GALNTL6: variants seen among roughly 807,000 people sequenced by gnomAD.
The protein encoded by GALNTL6 is polypeptide N-acetylgalactosaminyltransferase like 6.
GALNTL6 carries 46 observed loss-of-function variants against 73.7 expected under a neutral mutation model. The observed-to-expected ratio is 0.62, with a 90% CI of 0.49 to 0.80. The LOEUF (loss-of-function observed/expected upper bound fraction) is 0.80. GALNTL6 is among the 30% of genes least tolerant of loss of function. GALNTL6 has a pLI of 0.00. For synonymous variants in GALNTL6, 259 were observed against 263.7 expected, an observed-to-expected ratio of 0.98 and a Z score of 0.17; for missense variants, 604 against 755.0, an observed-to-expected ratio of 0.80 and a Z score of 2.34.
intron 5 of GALNTL6, among the ~76,000 whole-genome samples, chr4:172,801,419 A>G (rs544740937): frequency 1.3e-5 from 2 of 152,214 alleles, no homozygotes; most frequent in African/African-American, 4.8e-5. Flanking sequence ...CCTCTTACAC[A>G]TTGTCTTTTT....
At chr4:172,355,076 A>G (rs544090148) in intron 5 of GALNTL6, among the ~76,000 whole-genome samples, 1 of 152,194 alleles carries the variant, frequency 6.6e-6, no homozygotes, top group East Asian at 1.9e-4. Context: ...TTGAGATACT[A>G]TAGAAATATA....
chr4:172,329,107 T>C (rs1000732173), intron 4 of GALNTL6, among the ~76,000 whole-genome samples: 8 of 152,136 alleles, frequency 5.3e-5, no homozygotes, highest in African/African-American at 1.9e-4. Context: ...GAGAACAGTC[T>C]GTCCATTTTT....
In GALNTL6 at chr4:172,310,359, C is replaced by T. The variant is rs890758410; in HGVS notation, c.248-1255C>T. ...AATCTTGGCTTATTGCAACCTCTGC[C>T]TTCTGGGTTCAAGCGATTTTCATTC... is the stretch of plus-strand genomic sequence containing the variant. On this transcript the variant is annotated intron_variant, in intron 3 of 12. Transcript: ENST00000506823. 2.0e-5 allele frequency among the ~76,000 whole-genome samples: 3 copies of T among 152,038 alleles called. No individual in the cohort carries two copies. The East Asian group carries it at 5.8e-4, about 29-fold the overall frequency.
intron 7 of GALNTL6, among the ~76,000 whole-genome samples, chr4:172,819,612 G>T (rs185199917): frequency 6.6e-6 from 1 of 152,298 alleles, no homozygotes; most frequent in Admixed American, 6.5e-5. Context: ...GAAATTAACA[G>T]TTGTTAAATG....
At chr4:172,694,154 T>C (rs112201107) in intron 5 of GALNTL6, among the ~76,000 whole-genome samples, 110 of 152,116 alleles carry the variant, frequency 7.2e-4, no homozygotes, top group African/African-American at 2.6e-3. Context: ...TTCTTTAAGT[T>C]CTGGGATACA....
At position 171,813,533 on chromosome 4, in the gene GALNTL6, A is replaced by G. The variant is rs1734436217; in HGVS notation, c.-627A>G. Reference sequence around the variant, plus strand: ...GCCCTCGTCCGCTTCCAAGCCCAGCACAGACTTCGGTTTCTCCGCCTCCAT... The same window carrying G: ...GCCCTCGTCCGCTTCCAAGCCCAGCGCAGACTTCGGTTTCTCCGCCTCCAT... On this transcript the variant is annotated 5_prime_UTR_variant, in exon 1 of 13. Transcript: ENST00000506823. This position sits in a 1 kb window ranked among gnomAD's most constrained non-coding sequence, Gnocchi z 5.2. The G allele has an allele frequency of 6.6e-6, 1 of 152,488 alleles. No individual in the cohort carries two copies. Among genetic ancestry groups the G allele is most frequent in the Admixed American group, 6.5e-5 (1 of 15,296 alleles). The allele number at this position is 152,488 out of a possible 1,614,324, so 9.4% of individuals were successfully genotyped here.
chr4:172,148,283 G>A (rs572065650), intron 2 of GALNTL6, among the ~76,000 whole-genome samples: 1 of 152,176 alleles, frequency 6.6e-6, no homozygotes, highest in East Asian at 1.9e-4. Context: ...ATCTCTACTT[G>A]ATTGTTTTCA....
intron 5 of GALNTL6, among the ~76,000 whole-genome samples, chr4:172,792,233 A>G (rs1740033417): frequency 6.6e-6 from 1 of 152,222 alleles, no homozygotes. Context: ...TTTATGGCCA[A>G]TAGTATGTAA....
intron 2 of GALNTL6, among the ~76,000 whole-genome samples, chr4:171,956,661 T>C (rs1399309616): frequency 6.6e-6 from 1 of 152,222 alleles, no homozygotes; most frequent in Admixed American, 6.6e-5. Flanking sequence ...ATTTTTAAAA[T>C]TAAATTCTTT....
At position 172,177,721 on chromosome 4, in the gene GALNTL6, G is replaced by GTGTGTATATATATATACACA. The variant is rs946609947; in HGVS notation, c.139-51921_139-51902dup. Among the ~76,000 whole-genome samples the GTGTGTATATATATATACACA allele has an allele frequency of 7.1e-5, 7 of 99,182 alleles. No homozygotes were observed. The East Asian group carries it at 9.2e-4, about 13-fold the overall frequency. The allele number at this position is 99,182 out of a possible 152,430, so 65.1% of individuals were successfully genotyped here. On this transcript the variant is annotated intron_variant, in intron 2 of 12. Coordinates refer to ENST00000506823, the MANE Select transcript of GALNTL6 (RefSeq NM_001034845.3). ...AGTAATATATATGTTTACTTAGTAT[G>GTGTGTATATATATATACACA]TGTGTATATATATATACACATGTGT...
At chr4:172,819,377 A>G (rs1394545161) in intron 7 of GALNTL6, among the ~76,000 whole-genome samples, 1 of 152,252 alleles carries the variant, frequency 6.6e-6, no homozygotes, top group Non-Finnish European at 1.5e-5. Context: ...TGCTAAATTT[A>G]GGCTTAGAAT....
intron 10 of GALNTL6, among the ~76,000 whole-genome samples, chr4:172,982,538 A>G (rs990635663): frequency 6.6e-6 from 1 of 152,228 alleles, no homozygotes; most frequent in Non-Finnish European, 1.5e-5. Context: ...GAAAGTCAGA[A>G]GAGATGCTGA....
chr4:172,286,394 A>C (rs1739251578), intron 3 of GALNTL6, among the ~76,000 whole-genome samples: 1 of 152,184 alleles, frequency 6.6e-6, no homozygotes, highest in African/African-American at 2.4e-5. Context: ...GAACTGAAGA[A>C]ATTTTAGGAG....
At chr4:172,315,863 T>A (rs758114410) in intron 4 of GALNTL6, among the ~76,000 whole-genome samples, 1 of 152,174 alleles carries the variant, frequency 6.6e-6, no homozygotes, top group Non-Finnish European at 1.5e-5. Context: ...CTACCTGAGA[T>A]GTCACATATA....
intron 5 of GALNTL6, among the ~76,000 whole-genome samples, chr4:172,475,860 T>A (rs1318531064): frequency 6.6e-6 from 1 of 152,242 alleles, no homozygotes; most frequent in Non-Finnish European, 1.5e-5. Context: ...GGCCTCTGAA[T>A]AATGTGTCCA....
At chr4:171,994,326 A>C (rs189780732) in intron 2 of GALNTL6, among the ~76,000 whole-genome samples, 1 of 152,198 alleles carries the variant, frequency 6.6e-6, no homozygotes, top group Admixed American at 6.6e-5. Flanking sequence ...AAATGACATG[A>C]GTCAGGTCAA....
chr4:172,207,815 A>G (rs74909896), intron 2 of GALNTL6, among the ~76,000 whole-genome samples: 1 of 152,236 alleles, frequency 6.6e-6, no homozygotes, highest in Non-Finnish European at 1.5e-5. Flanking sequence ...AAGCCTTCAT[A>G]ACTTGCACGC....
At chr4:172,117,727 A>G (rs1733025549) in intron 2 of GALNTL6, among the ~76,000 whole-genome samples, 1 of 152,184 alleles carries the variant, frequency 6.6e-6, no homozygotes, top group South Asian at 2.1e-4. Context: ...GAGCAATGAA[A>G]AGCCAGAAAT....
At chr4:171,875,886 G>C (rs780070619) in intron 2 of GALNTL6, among the ~76,000 whole-genome samples, 3 of 151,394 alleles carry the variant, frequency 2.0e-5, no homozygotes, top group Non-Finnish European at 4.4e-5. Flanking sequence ...TAAGATTACA[G>C]ACTAAAACCC....
Sources: gnomAD v4.1 joint callset for allele counts (sites outside exome capture counted in the v4.1 genomes callset) on GRCh38, gnomAD v4.1.1 for gene constraint, Gnocchi (gnomAD v3.1) non-coding constraint, MANE v1.5 for transcripts, NCBI Gene and HGNC (gene_info 2026-07-23, HGNC 2026-07-21) for gene names.